The following SLC39A11 variants were observed in gnomAD, a reference collection of about 807,000 sequenced individuals.
The protein encoded by SLC39A11 is zinc transporter ZIP11.
A neutral mutation model predicts 36.1 loss-of-function variants in SLC39A11; 33 were observed. That is an observed-to-expected ratio of 0.91 (90% CI 0.69 to 1.22). The LOEUF is 1.22. Ranked by LOEUF, SLC39A11 falls within the 50% of genes most tolerant of loss-of-function variation. SLC39A11 has a pLI of 0.00. For synonymous variants in SLC39A11, 166 were observed against 170.3 expected, an observed-to-expected ratio of 0.97 and a Z score of 0.20; for missense variants, 432 against 430.3, an observed-to-expected ratio of 1.00 and a Z score of -0.03.
chr17:72,672,152 C>A (rs1373797029), intron 7 of SLC39A11, among the ~76,000 whole-genome samples: 4 of 152,046 alleles, frequency 2.6e-5, no homozygotes, highest in Non-Finnish European at 5.9e-5. Context: ...CAAAACAAAA[C>A]AAAATCATGT....
chr17:72,701,743 A>AAAAG (rs2072638064), intron 7 of SLC39A11, among the ~76,000 whole-genome samples: 1 of 150,100 alleles, frequency 6.7e-6, no homozygotes, highest in African/African-American at 2.5e-5. Flanking sequence ...AAAAAAAAAA[A>AAAAG]AAAGAAAAAG....
chr17:72,912,528 G>C (rs932701509), intron 5 of SLC39A11, among the ~76,000 whole-genome samples: 2 of 150,702 alleles, frequency 1.3e-5, no homozygotes, highest in Non-Finnish European at 2.9e-5. Context: ...TTGAATTCCT[G>C]GGCTCAAGTG....
At chr17:72,710,042 T>A (rs1327163713) in intron 7 of SLC39A11, among the ~76,000 whole-genome samples, 1 of 152,240 alleles carries the variant, frequency 6.6e-6, no homozygotes, top group Non-Finnish European at 1.5e-5. Flanking sequence ...TGCAGAAGTC[T>A]CTGGGTCATC....
intron 4 of SLC39A11, among the ~76,000 whole-genome samples, chr17:72,973,052 C>T (rs995760423): frequency 3.3e-5 from 5 of 151,532 alleles, no homozygotes; most frequent in African/African-American, 1.2e-4. Flanking sequence ...CCCACATGCA[C>T]ACCACGAAGC....
chr17:72,728,939 A>G (rs1159623348), intron 7 of SLC39A11, among the ~76,000 whole-genome samples: 1 of 152,170 alleles, frequency 6.6e-6, no homozygotes, highest in African/African-American at 2.4e-5. Flanking sequence ...TCTGTACGCA[A>G]CAGCTCTTCC....
chr17:72,794,338 A>C (rs1598761171), intron 6 of SLC39A11, among the ~76,000 whole-genome samples: 1 of 152,104 alleles, frequency 6.6e-6, no homozygotes, highest in South Asian at 2.1e-4. Context: ...ACCAGCCCCC[A>C]CCAAGCCAGC....
chr17:72,689,599 T>C (rs1471376439), intron 7 of SLC39A11, among the ~76,000 whole-genome samples: 1 of 152,196 alleles, frequency 6.6e-6, no homozygotes, highest in Non-Finnish European at 1.5e-5. Flanking sequence ...TAGGAGAATA[T>C]TATTCAGCCG....
intron 7 of SLC39A11, among the ~76,000 whole-genome samples, chr17:72,704,828 C>G (rs1488087394): frequency 2.0e-5 from 3 of 152,194 alleles, no homozygotes; most frequent in African/African-American, 7.2e-5. Flanking sequence ...ATCTCTCTAG[C>G]CACAGTGATT....
intron 7 of SLC39A11, among the ~76,000 whole-genome samples, chr17:72,670,664 A>G (rs2070985188): frequency 6.6e-6 from 1 of 152,164 alleles, no homozygotes; most frequent in Non-Finnish European, 1.5e-5. Flanking sequence ...TTGTTGCTCC[A>G]ATTGTTCCAG....
At chr17:72,872,644 G>C (rs563280219) in intron 5 of SLC39A11, among the ~76,000 whole-genome samples, 2 of 152,320 alleles carry the variant, frequency 1.3e-5, no homozygotes, top group East Asian at 3.9e-4. Flanking sequence ...GAGGAAGTTA[G>C]TTTCTAGTGT....
chr17:73,056,127 C>G (rs917207960), intron 3 of SLC39A11, among the ~76,000 whole-genome samples: 1 of 152,016 alleles, frequency 6.6e-6, no homozygotes, highest in Non-Finnish European at 1.5e-5. Context: ...CCACAGAGCC[C>G]CGAGGGTGGT....
intron 6 of SLC39A11, among the ~76,000 whole-genome samples, chr17:72,770,482 G>A (rs1019509281): frequency 6.6e-6 from 1 of 152,194 alleles, no homozygotes; most frequent in African/African-American, 2.4e-5. Context: ...CTGACCTAAT[G>A]TTCTTAGAAA....
At chr17:72,957,705 G>C (rs1173754438) in intron 4 of SLC39A11, among the ~76,000 whole-genome samples, 2 of 152,186 alleles carry the variant, frequency 1.3e-5, no homozygotes, top group East Asian at 3.9e-4. Flanking sequence ...TGTAGTCCCA[G>C]CTACTGGGGA....
chr17:73,088,599 G>A, intron 2 of SLC39A11, 58 bp downstream of exon 2: 13 of 1,372,758 alleles, frequency 9.5e-6, no homozygotes, highest in Non-Finnish European at 1.1e-5. Context: ...GAGTGGGACA[G>A]TGCCCCTTTA....
At chr17:72,833,420 T>C (rs995316668) in intron 6 of SLC39A11, among the ~76,000 whole-genome samples, 3 of 151,952 alleles carry the variant, frequency 2.0e-5, no homozygotes, top group African/African-American at 7.3e-5. Flanking sequence ...AGCCAAAGAA[T>C]AAAAAAAGGT....
intron 5 of SLC39A11, among the ~76,000 whole-genome samples, chr17:72,941,890 T>TTATTTATTTATA (rs908461415): frequency 3.3e-5 from 5 of 151,388 alleles, no homozygotes; most frequent in Non-Finnish European, 7.4e-5. Context: ...ATTTATTTAT[T>TTATTTATTTATA]TATTTACTGA....
At chr17:72,901,516 G>A (rs956039554) in intron 5 of SLC39A11, among the ~76,000 whole-genome samples, 19 of 152,132 alleles carry the variant, frequency 1.2e-4, no homozygotes, top group Non-Finnish European at 1.6e-4. Context: ...TGGATGGGCC[G>A]GGAAGGCAGA....
chr17:72,913,104 T>C (rs1175153726), intron 5 of SLC39A11, among the ~76,000 whole-genome samples: 1 of 152,102 alleles, frequency 6.6e-6, no homozygotes, highest in African/African-American at 2.4e-5. Context: ...CAGAATATAA[T>C]ATGCCATATT....
intron 4 of SLC39A11, among the ~76,000 whole-genome samples, chr17:72,969,610 TTC>T (rs3037588): frequency 0.042 from 6,308 of 151,116 alleles, 144 homozygotes; most frequent in Non-Finnish European, 0.058. Flanking sequence ...TTCCCCATCT[TTC>T]TCTCTCTCTC....
Sources: allele counts gnomAD v4.1 joint callset (sites outside exome capture counted in the v4.1 genomes callset), GRCh38; gene constraint gnomAD v4.1.1; transcripts MANE v1.5; gene names NCBI Gene and HGNC (gene_info 2026-07-23, HGNC 2026-07-21).